The following B9D1 variants were observed in gnomAD, a reference collection of about 807,000 sequenced individuals.
B9D1 encodes B9 domain-containing protein 1.
In B9D1, 20 loss-of-function variants were observed where a neutral mutation model predicts 26.1. The observed-to-expected ratio is 0.77, with a 90% CI of 0.54 to 1.12. The LOEUF is 1.12. Ranked by LOEUF, B9D1 falls within the 50% of genes most tolerant of loss-of-function variation. B9D1 has a pLI of 0.00. For missense variants in B9D1, 260 were observed against 273.7 expected, an observed-to-expected ratio of 0.95 and a Z score of 0.35; for synonymous variants, 105 against 103.1, an observed-to-expected ratio of 1.02 and a Z score of -0.11.
At chr17:19,341,221 G>A, downstream of B9D1, 1 of 1,231,716 alleles carries the variant, frequency 8.1e-7, no homozygotes, top group South Asian at 4.1e-5. Context: ...CCACAGGCTA[G>A]AGGCTTCAGG....
At chr17:19,357,629 C>T (rs1444782417) in intron 3 of B9D1, 2 of 603,396 alleles carry the variant, frequency 3.3e-6, no homozygotes, top group Admixed American at 2.3e-5. Flanking sequence ...AGGCCAGCTG[C>T]ACAGCCTGTA....
At chr17:19,362,963 C>G (rs1213731612), upstream of B9D1, 2 of 327,744 alleles carry the variant, frequency 6.1e-6, no homozygotes, top group African/African-American at 4.3e-5. Flanking sequence ...AGAGCTGAGT[C>G]CTGGGGAGCA....
At chr17:19,349,054 T>C (rs772967512) in intron 3 of B9D1, among the ~76,000 whole-genome samples, 12 of 152,258 alleles carry the variant, frequency 7.9e-5, no homozygotes, top group Non-Finnish European at 1.6e-4. Flanking sequence ...ACAGGGCCCA[T>C]GTATGTTCCC....
intron 3 of B9D1, among the ~76,000 whole-genome samples, chr17:19,356,877 C>CCAGTACCTA (rs1310837018): frequency 3.3e-5 from 5 of 152,176 alleles, no homozygotes; most frequent in Non-Finnish European, 7.3e-5. Flanking sequence ...GGAGGTTCGT[C>CCAGTACCTA]CAGTACCTAC....
At chr17:19,374,464 T>A (rs187389240) in intron 1 of B9D1, among the ~76,000 whole-genome samples, 1 of 152,336 alleles carries the variant, frequency 6.6e-6, no homozygotes. Flanking sequence ...ATCAGTATAA[T>A]CTCTAAGGAT....
rs1018245886 is a variant in B9D1 at position 19,372,041 on chromosome 17, T to G, written c.-298+5818A>C. ...GCCCCTCCCACAGTTGAGCCCATTTTGTCACCTGTAACCAGGGACAATGAT... is the reference window on the plus strand; with the variant it reads ...GCCCCTCCCACAGTTGAGCCCATTTGGTCACCTGTAACCAGGGACAATGAT... On this transcript the variant is annotated intron_variant, in intron 1 of 5. Coordinates refer to the B9D1 transcript ENST00000477478. This position sits in a 1 kb window ranked among gnomAD's most constrained non-coding sequence, Gnocchi z 4.4. 2 of 152,282 alleles carry G rather than the reference T, an allele frequency of 1.3e-5. No individual in the cohort carries two copies. Among genetic ancestry groups the G allele is most frequent in the African/African-American group, 4.8e-5 (2 of 41,470 alleles). 9.4% of individuals were successfully genotyped at this position (152,282 alleles called of 1,614,324 possible).
At chr17:19,337,088 C>T (rs759586759), downstream of B9D1, among the ~76,000 whole-genome samples, 1 of 152,194 alleles carries the variant, frequency 6.6e-6, no homozygotes, top group Non-Finnish European at 1.5e-5. Context: ...TGCTCTGCCT[C>T]CTCTTGTGTC....
At chr17:19,345,728 AT>A (rs1056738752) in intron 5 of B9D1, among the ~76,000 whole-genome samples, 3 of 152,024 alleles carry the variant, frequency 2.0e-5, no homozygotes, top group Non-Finnish European at 4.4e-5. Flanking sequence ...CAGCTATCAC[AT>A]TTGTGTGTTT....
intron 5 of B9D1, among the ~76,000 whole-genome samples, chr17:19,346,032 A>G (rs1452679675): frequency 1.3e-5 from 2 of 152,228 alleles, no homozygotes; most frequent in Non-Finnish European, 2.9e-5. Flanking sequence ...CTGGAGGCCC[A>G]AAGTCCTCCT....
intron 1 of B9D1, 55 bp from the exon 2 acceptor site, chr17:19,360,443 A>C: frequency 6.6e-7 from 1 of 1,525,164 alleles, no homozygotes. Flanking sequence ...AGGCCAATGC[A>C]TTTGCTAGGC....
upstream of B9D1, among the ~76,000 whole-genome samples, chr17:19,364,058 A>G (rs11204306): frequency 0.2 from 30,153 of 152,058 alleles, 3,712 homozygotes; most frequent in East Asian, 0.6. The surrounding 1 kb of genome is among the most constrained non-coding windows in gnomAD (Gnocchi z 4.3). Flanking sequence ...CACACATTCT[A>G]TCAGTCTCAC....
rs1437521195 is a variant in B9D1, at chr17:19,372,144, G to A, written c.-298+5715C>T. ...TGAAGATGCTGCTGGAACACCGCAG[G>A]GACTGGGCGGAGCGGGGACAGCGTT... On this transcript the variant is annotated intron_variant, in intron 1 of 5. Transcript: ENST00000477478. The surrounding 1 kb of genome is among the most constrained non-coding windows in gnomAD (Gnocchi z 4.4). The A allele has an allele frequency of 3.3e-5, 5 of 152,382 alleles. No homozygotes were observed. The highest frequency in any genetic ancestry group is 7.3e-5 in the Non-Finnish European group (5 of 68,168). The allele number at this position is 152,382 out of a possible 1,614,324, so 9.4% of individuals were successfully genotyped here. A position where few individuals can be genotyped will look rare whatever the true frequency, so the allele number is the denominator to read the frequency against.
chr17:19,377,276 A>C (rs1476583141), intron 1 of B9D1, among the ~76,000 whole-genome samples: 1 of 152,188 alleles, frequency 6.6e-6, no homozygotes, highest in African/African-American at 2.4e-5. Context: ...ATGTTCCATA[A>C]ACCACTCTAC....
rs756219792 is a variant in B9D1, at chr17:19,347,186, C to T, written c.404+83G>A. On this transcript the variant is annotated intron_variant, in intron 5 of 6. Transcript: ENST00000261499. This position sits in a 1 kb window ranked among gnomAD's most constrained non-coding sequence, Gnocchi z 4.3. ...GCAGCTTGCAGATCTGAGGAGGCGA[C>T]CAGGCACAAACTGAGGGGTAGAATG... 1 of 1,613,958 alleles carries T rather than the reference C, an allele frequency of 6.2e-7. No individual in the cohort carries two copies. Among genetic ancestry groups the T allele is most frequent in the East Asian group, 2.2e-5 (1 of 44,884 alleles).
chr17:19,363,038 G>A (rs544174346), upstream of B9D1: 47 of 209,578 alleles, frequency 2.2e-4, 1 homozygote, highest in East Asian at 5.3e-3. Context: ...AGATGTCGCT[G>A]TGGCCCCACC....
At chr17:19,352,238 C>A (rs1909705238) in intron 3 of B9D1, among the ~76,000 whole-genome samples, 1 of 152,098 alleles carries the variant, frequency 6.6e-6, no homozygotes, top group African/African-American at 2.4e-5. Context: ...CCAACTTTTG[C>A]CTCTTTCATC....
At chr17:19,369,126 C>A (rs770154635) in intron 1 of B9D1, among the ~76,000 whole-genome samples, 2 of 152,062 alleles carry the variant, frequency 1.3e-5, no homozygotes, top group Admixed American at 6.5e-5. Context: ...AAAGAGCTAG[C>A]GAGGGATAGG....
At chr17:19,338,679 C>T (rs1338190209), downstream of B9D1, among the ~76,000 whole-genome samples, 2 of 152,198 alleles carry the variant, frequency 1.3e-5, no homozygotes, top group African/African-American at 4.8e-5. Flanking sequence ...TGGCAGCCCA[C>T]ATGTCGTACT....
downstream of B9D1, chr17:19,335,262 A>AT: frequency 5.3e-6 from 4 of 753,702 alleles, no homozygotes; most frequent in Non-Finnish European, 8.1e-6. Context: ...TACTAAACTG[A>AT]TTGACTTTCA....
Sources: allele counts gnomAD v4.1 joint callset (sites outside exome capture counted in the v4.1 genomes callset), GRCh38; gene constraint gnomAD v4.1.1; non-coding constraint Gnocchi (gnomAD v3.1); transcripts MANE v1.5; gene names NCBI Gene and HGNC (gene_info 2026-07-23, HGNC 2026-07-21).